The following HUNK variants were observed in gnomAD, a reference collection of about 807,000 sequenced individuals.
HUNK encodes the protein hormonally up-regulated Neu-associated kinase, also known as hormonally up-regulated neu tumor-associated kinase.
HUNK carries 21 observed loss-of-function variants against 61.0 expected under a neutral mutation model. The observed-to-expected ratio is 0.34, with a 90% CI of 0.24 to 0.50. The LOEUF (loss-of-function observed/expected upper bound fraction) is 0.50. Among genes scored for constraint, HUNK ranks in the 20% least tolerant of loss-of-function variants. The pLI, the probability that HUNK is intolerant of heterozygous loss-of-function variation, is 0.98. For missense variants in HUNK, 772 were observed against 945.7 expected (o/e 0.82, Z 2.41); for synonymous variants, 371 against 386.1 (o/e 0.96, Z 0.46).
In HUNK at chr21:31,873,134, T is replaced by C. The variant is rs1007739228; in HGVS notation, c.-541T>C. Reference sequence around the variant, plus strand: ...CTGAATGGGGCTTTCTTCTGCTGCCTTCCAGAGGGCGCCGGCAGCCCGCCG... The same window carrying C: ...CTGAATGGGGCTTTCTTCTGCTGCCCTCCAGAGGGCGCCGGCAGCCCGCCG... On this transcript the variant is annotated 5_prime_UTR_variant, in exon 1 of 11. Transcript: ENST00000270112. This position sits in a 1 kb window ranked among gnomAD's most constrained non-coding sequence, Gnocchi z 6.1. Among the ~76,000 whole-genome samples the C allele has an allele frequency of 3.9e-5, 6 of 152,076 alleles. No homozygotes were observed. Among genetic ancestry groups the C allele is most frequent in the African/African-American group, 1.4e-4 (6 of 41,436 alleles).
At chr21:31,947,513 C>T (rs2052817340) in intron 4 of HUNK, among the ~76,000 whole-genome samples, 1 of 152,234 alleles carries the variant, frequency 6.6e-6, no homozygotes, top group Non-Finnish European at 1.5e-5. Context: ...AATGCCTGTC[C>T]TTTTCCTGTT....
chr21:31,944,199 C>T (rs561700687), intron 3 of HUNK, among the ~76,000 whole-genome samples: 126 of 152,336 alleles, frequency 8.3e-4, no homozygotes, highest in South Asian at 7.9e-3. Context: ...CCTGCCTCAG[C>T]CTCCCGAGTA....
At chr21:31,968,751 T>TGA (rs1257440559) in intron 6 of HUNK, among the ~76,000 whole-genome samples, 25 of 106,418 alleles carry the variant, frequency 2.3e-4, no homozygotes, top group African/African-American at 7.9e-4. Flanking sequence ...TGTGTGTGTG[T>TGA]GTGAGAGAGA....
chr21:31,985,238 C>T (rs577629021), intron 8 of HUNK, among the ~76,000 whole-genome samples: 2 of 152,176 alleles, frequency 1.3e-5, no homozygotes, highest in African/African-American at 4.8e-5. Flanking sequence ...TGTCTATGCC[C>T]CAGTGAGGTC....
intron 1 of HUNK, among the ~76,000 whole-genome samples, chr21:31,905,772 C>G (rs2052500943): frequency 6.6e-6 from 1 of 152,202 alleles, no homozygotes; most frequent in African/African-American, 2.4e-5. Flanking sequence ...ACCTACTTTT[C>G]CCTTTCTCAT....
intron 8 of HUNK, among the ~76,000 whole-genome samples, chr21:31,988,687 T>C (rs1011112888): frequency 2.0e-5 from 3 of 151,898 alleles, no homozygotes; most frequent in African/African-American, 7.3e-5. Flanking sequence ...TTCTTTTCTT[T>C]TTCTTTTTGC....
chr21:31,931,114 G>A (rs2123820932), intron 2 of HUNK, among the ~76,000 whole-genome samples: 1 of 144,510 alleles, frequency 6.9e-6, no homozygotes, highest in East Asian at 2.0e-4. Flanking sequence ...CAAAATGCCT[G>A]TTGCCTTGGG....
chr21:31,964,986 C>G (rs1176832620), intron 5 of HUNK, among the ~76,000 whole-genome samples: 1 of 152,160 alleles, frequency 6.6e-6, no homozygotes, highest in African/African-American at 2.4e-5. Context: ...AACATTAACT[C>G]AACAGCCCAC....
intron 1 of HUNK, among the ~76,000 whole-genome samples, chr21:31,898,669 A>G (rs2052442604): frequency 1.3e-5 from 2 of 152,016 alleles, no homozygotes. Context: ...GGTCACCCCT[A>G]TGGAGAGGCC....
At chr21:31,945,777 C>T (rs1174518521) in intron 3 of HUNK, among the ~76,000 whole-genome samples, 1 of 151,840 alleles carries the variant, frequency 6.6e-6, no homozygotes, top group Non-Finnish European at 1.5e-5. Context: ...GTTCAGCATA[C>T]TGTTTGCTCT....
chr21:31,878,687 G>A (rs982658110), intron 1 of HUNK, among the ~76,000 whole-genome samples: 1 of 152,200 alleles, frequency 6.6e-6, no homozygotes, highest in African/African-American at 2.4e-5. Context: ...ACCTACAAGA[G>A]GCATGGTCTC....
chr21:31,915,251 G>T (rs1042855553), intron 1 of HUNK, among the ~76,000 whole-genome samples: 45 of 152,152 alleles, frequency 3.0e-4, no homozygotes, highest in African/African-American at 9.6e-4. Context: ...ACCCTGGCAG[G>T]TATATTTTAG....
intron 3 of HUNK, among the ~76,000 whole-genome samples, chr21:31,944,598 G>A (rs1435008828): frequency 6.6e-6 from 1 of 151,926 alleles, no homozygotes; most frequent in African/African-American, 2.4e-5. Context: ...GAAAGGAAAT[G>A]GGGTGTGGGG....
In HUNK at chr21:31,895,299, T is replaced by A. The variant is rs191396957; in HGVS notation, c.261+21364T>A. ...TTCAGGGGCCCAGGGCTCTCAGACT[T>A]CCTGTGTGTTAAGAGCTGAAGCAGC... is the stretch of plus-strand genomic sequence containing the variant. On this transcript the variant is annotated intron_variant, in intron 1 of 10. Coordinates refer to ENST00000270112, the MANE Select transcript of HUNK (RefSeq NM_014586.2). 2.1e-4 allele frequency among the ~76,000 whole-genome samples: 32 copies of A among 152,280 alleles called. No homozygotes were observed. The East Asian group carries it at 6.0e-3, about 28-fold the overall frequency.
At chr21:31,877,358 C>A (rs1048621732) in intron 1 of HUNK, among the ~76,000 whole-genome samples, 1 of 152,138 alleles carries the variant, frequency 6.6e-6, no homozygotes, top group African/African-American at 2.4e-5. Context: ...CAGTTTTTCC[C>A]AACTTTCCTT....
intron 9 of HUNK, among the ~76,000 whole-genome samples, chr21:31,990,563 T>A (rs1161928180): frequency 6.6e-6 from 1 of 151,770 alleles, no homozygotes; most frequent in Non-Finnish European, 1.5e-5. Flanking sequence ...ATTTATTGAG[T>A]CTCGCTCTGT....
chr21:31,934,210 T>C (rs145348391), intron 2 of HUNK, among the ~76,000 whole-genome samples: 14,073 of 151,798 alleles, frequency 0.093, 883 homozygotes, highest in African/African-American at 0.18. Flanking sequence ...AATCCCAGCA[T>C]TTTGGGAGGC....
chr21:31,990,125 A>G lies in HUNK; in HGVS notation c.1258-4A>G. ...GAATTGTTGAAGGATGTTCCTTTTC[A>G]CAGGCCTCTCTGGACACCTGGACAC... On this transcript the variant is annotated splice_region_variant and splice_polypyrimidine_tract_variant and intron_variant, in intron 8 of 10. Coordinates refer to ENST00000270112, the MANE Select transcript of HUNK (RefSeq NM_014586.2). The G allele has an allele frequency of 6.2e-7, 1 of 1,613,816 alleles. No individual in the cohort carries two copies. The highest frequency in any genetic ancestry group is 8.5e-7 in the Non-Finnish European group (1 of 1,179,724).
At chr21:31,890,023 CA>C (rs1021748231) in intron 1 of HUNK, among the ~76,000 whole-genome samples, 10 of 152,182 alleles carry the variant, frequency 6.6e-5, no homozygotes, top group African/African-American at 2.2e-4. Flanking sequence ...TTTGACCAAG[CA>C]TTAAGAATTT....
Sources: gnomAD v4.1 joint callset for allele counts (sites outside exome capture counted in the v4.1 genomes callset) on GRCh38, gnomAD v4.1.1 for gene constraint, Gnocchi (gnomAD v3.1) non-coding constraint, MANE v1.5 for transcripts, NCBI Gene and HGNC (gene_info 2026-07-23, HGNC 2026-07-21) for gene names.